SERPINA9: variants seen among roughly 807,000 people sequenced by gnomAD.
SERPINA9 encodes serpin A9.
In SERPINA9, 32 loss-of-function variants were observed where a neutral mutation model predicts 24.5. The observed-to-expected ratio is 1.30, with a 90% CI of 0.98 to 1.75. The LOEUF (loss-of-function observed/expected upper bound fraction) is 1.75. Ranked by LOEUF, SERPINA9 falls within the 40% of genes most tolerant of loss-of-function variation. The pLI, the probability that SERPINA9 is intolerant of heterozygous loss-of-function variation, is 0.00. For missense variants in SERPINA9, 594 were observed against 497.1 expected (o/e 1.19, Z -1.85); for synonymous variants, 233 against 197.7 (o/e 1.18, Z -1.50).
chr14:94,469,640 G>C lies in SERPINA9; in HGVS notation c.201C>G (p.Asn67Lys). 1 of 1,614,124 alleles carries C rather than the reference G, an allele frequency of 6.2e-7. No individual in the cohort carries two copies. The highest frequency in any genetic ancestry group is 8.5e-7 in the Non-Finnish European group (1 of 1,180,030). Residue 67 changes from asparagine to lysine, a missense_variant, in exon 2 of 5, where the codon AAC (asparagine) becomes AAG (lysine). Transcript: ENST00000674397. Reference protein sequence around the residue: ...RRLVLETPSQNIFFSPVSVST... With the variant: ...RRLVLETPSQKIFFSPVSVST... ...AGACACTCACAGGGGAGAAGAAGAT[G>C]TTCTGACTCGGGGTCTCCAAAACCA...
intron 1 of SERPINA9, among the ~76,000 whole-genome samples, chr14:94,474,409 C>T (rs965353708): frequency 6.6e-6 from 1 of 152,180 alleles, no homozygotes; most frequent in African/African-American, 2.4e-5. Flanking sequence ...GTACTGGCCT[C>T]CATGTGACTT....
In SERPINA9 at chr14:94,463,525, G is replaced by A. The variant is rs866960637; in HGVS notation, c.1051-229C>T. ...GTTACAAACACAGAGCAGGAAGACC[G>A]GAGTGAGTCTCAGTTCTGCCACTTA... On this transcript the variant is annotated intron_variant, in intron 4 of 4. Transcript: ENST00000674397. Among the ~76,000 whole-genome samples, 10 of 152,190 alleles carry A rather than the reference G, an allele frequency of 6.6e-5. No individual in the cohort carries two copies. In the South Asian group the frequency reaches 1.0e-3, roughly 16 times the overall value.
chr14:94,465,710 G>A (rs1898971992), intron 3 of SERPINA9, among the ~76,000 whole-genome samples: 1 of 152,078 alleles, frequency 6.6e-6, no homozygotes, highest in South Asian at 2.1e-4. Context: ...TTGTATTTTA[G>A]TAGAGACAGG....
intron 4 of SERPINA9, 84 bp from the exon 5 acceptor site, chr14:94,463,380 T>C (rs1898837223): frequency 3.3e-6 from 4 of 1,220,550 alleles, no homozygotes; most frequent in Non-Finnish European, 4.8e-6. Context: ...GCTTTTGCCC[T>C]GGAATGGTGA....
chr14:94,471,948 G>A (rs1218067091), intron 1 of SERPINA9, among the ~76,000 whole-genome samples: 1 of 151,990 alleles, frequency 6.6e-6, no homozygotes, highest in East Asian at 1.9e-4. Context: ...GAAGGCTTCT[G>A]GACTCATCTC....
chr14:94,469,755 G>T lies in SERPINA9; in HGVS notation c.86C>A (p.Ala29Glu). 1 of 1,564,728 alleles carries T rather than the reference G, an allele frequency of 6.4e-7. No individual in the cohort carries two copies. Among genetic ancestry groups the T allele is most frequent in the Non-Finnish European group, 8.7e-7 (1 of 1,154,160 alleles). Reference sequence around the variant, plus strand: ...CTTTGTGGAGGAAGGGCGGGGGTATGCACTGGGGGCATTGGCCGGGGACAC... The same window carrying T: ...CTTTGTGGAGGAAGGGCGGGGGTATTCACTGGGGGCATTGGCCGGGGACAC... ...YCVSPANAPS[A>E]YPRPSSTKST... is the part of the protein sequence containing the mutation. The change falls in exon 2 of 5, where the codon GCA becomes GAA. Residue 29 changes from alanine to glutamate, a missense_variant. By Grantham distance (107) the Ala-to-Glu change is moderately radical (BLOSUM62 -1). Coordinates refer to ENST00000674397, the MANE Select transcript of SERPINA9 (RefSeq NM_175739.4).
At chr14:94,466,442 T>G (rs1899009270) in intron 3 of SERPINA9, among the ~76,000 whole-genome samples, 1 of 152,220 alleles carries the variant, frequency 6.6e-6, no homozygotes, top group Non-Finnish European at 1.5e-5. Context: ...TCCTTCTCTC[T>G]TCCCAGACTA....
Position 94,469,397 on chromosome 14 carries a change from G to T in SERPINA9, c.444C>A (p.Phe148Leu). 6.2e-7 allele frequency: 1 copy of T among 1,614,144 alleles called. No homozygotes were observed. Among genetic ancestry groups the T allele is most frequent in the Non-Finnish European group, 8.5e-7 (1 of 1,180,042 alleles). ...CATACAGCCTCTTGACATTGCCCAA[G>T]AAATTTGCCTGCAGCTGCAGCTCCT... is the stretch of plus-strand genomic sequence containing the variant. ...VKKELQLQAN[F>L]LGNVKRLYEA... is the part of the protein sequence containing the mutation. The change falls in exon 2 of 5, where the codon TTC becomes TTA. Residue 148 changes from phenylalanine (F) to leucine (L), a missense_variant. Transcript: ENST00000674397.
intron 2 of SERPINA9, among the ~76,000 whole-genome samples, chr14:94,468,849 G>A (rs528389184): frequency 6.6e-6 from 1 of 152,298 alleles, no homozygotes; most frequent in Admixed American, 6.5e-5. Context: ...GGTTGTCAGA[G>A]AGTTCCATGT....
chr14:94,467,402 G>T lies in SERPINA9; in HGVS notation c.629-20C>A, dbSNP rs756557838. 3 of 1,579,388 alleles carry T rather than the reference G, an allele frequency of 1.9e-6. No individual in the cohort carries two copies. The highest frequency in any genetic ancestry group is 2.3e-5 in the East Asian group (1 of 44,394). Reference sequence around the variant, plus strand: ...ACTTGGCTAGCACAAAGAGAGAAAAGAAGTCTTTATGTCAAAGTACAATTA... The same window carrying T: ...ACTTGGCTAGCACAAAGAGAGAAAATAAGTCTTTATGTCAAAGTACAATTA... On this transcript the variant is annotated intron_variant, in intron 2 of 4. Transcript: ENST00000674397.
At chr14:94,470,299 T>A in intron 1 of SERPINA9, 1 of 689,948 alleles carries the variant, frequency 1.4e-6, no homozygotes, top group Non-Finnish European at 1.7e-6. Flanking sequence ...GTAGATCTGA[T>A]TATTTTCTCA....
chr14:94,469,626 G>A lies in SERPINA9; in HGVS notation c.215C>T (p.Pro72Leu). The change falls in exon 2 of 5, where the codon CCT becomes CTT. Residue 72 changes from proline to leucine, a missense_variant. Pro to Leu is a moderately conservative substitution (Grantham distance 98). Transcript: ENST00000674397. ...ETPSQNIFFS[P>L]VSVSTSLAML... is the part of the protein sequence containing the mutation. Reference sequence around the variant, plus strand: ...GGCCAGGGAAGTGGAGACACTCACAGGGGAGAAGAAGATGTTCTGACTCGG... The same window carrying A: ...GGCCAGGGAAGTGGAGACACTCACAAGGGAGAAGAAGATGTTCTGACTCGG... The A allele has an allele frequency of 1.9e-6, 3 of 1,614,126 alleles. No individual in the cohort carries two copies. Among genetic ancestry groups the A allele is most frequent in the Non-Finnish European group, 8.5e-7 (1 of 1,180,030 alleles).
intron 2 of SERPINA9, among the ~76,000 whole-genome samples, chr14:94,467,592 T>A (rs1485713800): frequency 1.3e-5 from 2 of 152,252 alleles, no homozygotes; most frequent in African/African-American, 4.8e-5. Context: ...ACATGTGAAT[T>A]GTATTTCAAT....
intron 1 of SERPINA9, 42 bp downstream of exon 1, chr14:94,476,094 G>T: frequency 6.2e-7 from 1 of 1,613,880 alleles, no homozygotes; most frequent in Non-Finnish European, 8.5e-7. Flanking sequence ...CTGGCTCAGT[G>T]ACACCACATT....
intron 1 of SERPINA9, among the ~76,000 whole-genome samples, chr14:94,474,631 C>T (rs1899490190): frequency 6.6e-6 from 1 of 152,188 alleles, no homozygotes; most frequent in Non-Finnish European, 1.5e-5. Context: ...TGTGGCCACC[C>T]CTTCTCTCTC....
Position 94,462,927 on chromosome 14 carries a change from C to T in SERPINA9, c.*166G>A. On this transcript the variant is annotated 3_prime_UTR_variant, in exon 5 of 5. Coordinates refer to ENST00000674397, the MANE Select transcript of SERPINA9 (RefSeq NM_175739.4). ...GGGGTTAATGGGTGTTGGCTTGTGA[C>T]TGGGGTCCCTGTTGATGGTTTGGTG... 1 of 625,908 alleles carries T rather than the reference C, an allele frequency of 1.6e-6. No homozygotes were observed. Among genetic ancestry groups the T allele is most frequent in the Non-Finnish European group, 2.9e-6 (1 of 349,810 alleles). The allele number at this position is 625,908 out of a possible 1,614,324, so 38.8% of individuals were successfully genotyped here. A position where few individuals can be genotyped will look rare whatever the true frequency, so the allele number is the denominator to read the frequency against.
rs756443272 is a variant in SERPINA9, at chr14:94,469,859, T to C, written c.-17-2A>G. 7 of 1,507,848 alleles carry C rather than the reference T, an allele frequency of 4.6e-6. No individual in the cohort carries two copies. In the South Asian group the frequency reaches 6.9e-5, roughly 15 times the overall value. 93.4% of individuals were successfully genotyped at this position (1,507,848 alleles called of 1,614,324 possible). A position where few individuals can be genotyped will look rare whatever the true frequency, so the allele number is the denominator to read the frequency against. On this transcript the variant is annotated splice_acceptor_variant, in intron 1 of 4. Coordinates refer to ENST00000674397, the MANE Select transcript of SERPINA9 (RefSeq NM_175739.4). LOFTEE classifies it low-confidence loss of function (5UTR_SPLICE). ...ATGCCATTTTGGAACAAAATATGTC[T>C]GCAAGAGAAGTAAGAACCATTGAGG...
intron 1 of SERPINA9, 133 bp downstream of exon 1, chr14:94,476,003 T>C (rs568917783): frequency 2.2e-6 from 3 of 1,386,088 alleles, no homozygotes; most frequent in African/African-American, 1.4e-5. Flanking sequence ...AAAAGCCAAC[T>C]AATGTGTCTA....
Position 94,463,082 on chromosome 14 carries a change from C to A in SERPINA9, c.*11G>T. On this transcript the variant is annotated 3_prime_UTR_variant, in exon 5 of 5. Transcript: ENST00000674397. ...TAGCAATGTGCCATCAGTTAACAGGCCATTTCCCACCTAGGATTTAGTGGG... is the reference window on the plus strand; with the variant it reads ...TAGCAATGTGCCATCAGTTAACAGGACATTTCCCACCTAGGATTTAGTGGG... 1 of 1,603,584 alleles carries A rather than the reference C, an allele frequency of 6.2e-7. No individual in the cohort carries two copies. Among genetic ancestry groups the A allele is most frequent in the East Asian group, 2.2e-5 (1 of 44,846 alleles).
Sources: gnomAD v4.1 joint callset for allele counts (sites outside exome capture counted in the v4.1 genomes callset) on GRCh38, gnomAD v4.1.1 for gene constraint, MANE v1.5 for transcripts, NCBI Gene and HGNC (gene_info 2026-07-23, HGNC 2026-07-21) for gene names.